The following PDE1A variants were observed in gnomAD, a reference collection of about 807,000 sequenced individuals.
The protein encoded by PDE1A is dual specificity calcium/calmodulin-dependent 3',5'-cyclic nucleotide phosphodiesterase 1A.
A neutral mutation model predicts 61.7 loss-of-function variants in PDE1A; 35 were observed. The observed-to-expected ratio is 0.57, with a 90% CI of 0.43 to 0.75. The LOEUF is 0.75. Among genes scored for constraint, PDE1A ranks in the 30% least tolerant of loss-of-function variants. PDE1A has a pLI of 0.00. For missense variants in PDE1A, 597 were observed against 630.6 expected (o/e 0.95, Z 0.57); for synonymous variants, 232 against 213.2 (o/e 1.09, Z -0.77).
At chr2:182,146,944 A>C (rs556623828), downstream of PDE1A, 56 of 500,642 alleles carry the variant, frequency 1.1e-4, no homozygotes, top group Non-Finnish European at 1.9e-4. Flanking sequence ...AAACTCTAGG[A>C]GGGCATTTAA....
intron 7 of PDE1A, among the ~76,000 whole-genome samples, chr2:182,223,176 G>A (rs1179928120): frequency 6.6e-6 from 1 of 151,886 alleles, no homozygotes; most frequent in Non-Finnish European, 1.5e-5. Flanking sequence ...ACCATGTGAA[G>A]ACACAGCAAA....
At chr2:182,417,063 C>T (rs913332660) in intron 1 of PDE1A, among the ~76,000 whole-genome samples, 1 of 152,148 alleles carries the variant, frequency 6.6e-6, no homozygotes, top group Admixed American at 6.5e-5. Flanking sequence ...ACTGTATGGC[C>T]CTGGACTCTC....
At chr2:182,561,196 T>C in the PDE1A span, among the ~76,000 whole-genome samples, 1 of 151,822 alleles carries the variant, frequency 6.6e-6, no homozygotes, top group Admixed American at 6.6e-5. Flanking sequence ...TTAGGTCTAA[T>C]GTTTAAGTCT....
the PDE1A span, among the ~76,000 whole-genome samples, chr2:182,592,070 T>A: frequency 6.6e-6 from 1 of 152,148 alleles, no homozygotes; most frequent in East Asian, 1.9e-4. Context: ...TAACTAACCA[T>A]CCTCTGACTT....
At chr2:182,324,027 A>C (rs113397733) in intron 1 of PDE1A, among the ~76,000 whole-genome samples, 1,694 of 152,294 alleles carry the variant, frequency 0.011, 25 homozygotes, top group South Asian at 0.069. Context: ...TAAGAACCAT[A>C]GGAGAGTGAA....
At chr2:182,457,763 T>C (rs1379477921) in intron 2 of PDE1A, among the ~76,000 whole-genome samples, 13 of 152,066 alleles carry the variant, frequency 8.5e-5, no homozygotes, top group Admixed American at 8.5e-4. Context: ...TATATTGTTT[T>C]GATATTGTGT....
chr2:182,218,912 A>C (rs1688478983), intron 7 of PDE1A, among the ~76,000 whole-genome samples: 1 of 152,018 alleles, frequency 6.6e-6, no homozygotes, highest in Admixed American at 6.6e-5. Context: ...ACACCTGCAA[A>C]ATACTCTAGA....
In PDE1A at chr2:182,179,686, G is replaced by A. The variant is rs112056181; in HGVS notation, c.1516+6206C>T. 1.7e-3 allele frequency among the ~76,000 whole-genome samples: 262 copies of A among 151,346 alleles called. 2 individuals are homozygous for A. The highest frequency in any genetic ancestry group is 0.01 in the Middle Eastern group (3 of 294). On this transcript the variant is annotated intron_variant, in intron 13 of 13. Transcript: ENST00000351439. ...TCCTTTCTCTACCCCCTCCTCTCTC[G>A]TCCTCCCTCTTGCGCTCTGTCTCTC...
At chr2:182,535,910 T>G in the PDE1A span, among the ~76,000 whole-genome samples, 2 of 152,192 alleles carry the variant, frequency 1.3e-5, no homozygotes, top group Non-Finnish European at 1.5e-5. Flanking sequence ...TCATTGAAGA[T>G]CCAAGGAATA....
chr2:182,618,239 A>G, the PDE1A span, among the ~76,000 whole-genome samples: 1 of 152,212 alleles, frequency 6.6e-6, no homozygotes, highest in Non-Finnish European at 1.5e-5. Context: ...TTTCCCCTCA[A>G]TTTGGGAGAA....
chr2:182,422,682 T>C (rs1187848832), intron 1 of PDE1A, among the ~76,000 whole-genome samples: 1 of 152,184 alleles, frequency 6.6e-6, no homozygotes, highest in Non-Finnish European at 1.5e-5. Context: ...TCATTTAATA[T>C]TAAAACACAA....
chr2:182,405,855 A>C (rs1192981064), intron 1 of PDE1A, among the ~76,000 whole-genome samples: 3 of 152,162 alleles, frequency 2.0e-5, no homozygotes, highest in Non-Finnish European at 4.4e-5. Context: ...TACATATATC[A>C]TAACATCACA....
chr2:182,258,834 C>A (rs544944052), intron 2 of PDE1A, among the ~76,000 whole-genome samples: 1 of 152,184 alleles, frequency 6.6e-6, no homozygotes, highest in Non-Finnish European at 1.5e-5. Context: ...ACTGTTGATA[C>A]TTGGTGTTTC....
At chr2:182,529,683 G>T in the PDE1A span, among the ~76,000 whole-genome samples, 9 of 152,276 alleles carry the variant, frequency 5.9e-5, no homozygotes, top group African/African-American at 2.2e-4. Flanking sequence ...CATGTTGTGG[G>T]GAGGACCACT....
chr2:182,397,738 T>TAAA (rs1359928998), intron 1 of PDE1A, among the ~76,000 whole-genome samples: 2 of 152,110 alleles, frequency 1.3e-5, no homozygotes, highest in African/African-American at 4.8e-5. Flanking sequence ...TTTTACTGTA[T>TAAA]AAACTCTTTA....
intron 2 of PDE1A, among the ~76,000 whole-genome samples, chr2:182,432,992 C>T (rs1349107971): frequency 2.0e-5 from 3 of 152,092 alleles, no homozygotes; most frequent in African/African-American, 4.8e-5. Context: ...TCAATATCCT[C>T]TAAGTCTCAT....
At chr2:182,414,690 C>T (rs1702813662) in intron 1 of PDE1A, among the ~76,000 whole-genome samples, 1 of 152,092 alleles carries the variant, frequency 6.6e-6, no homozygotes. Flanking sequence ...AAAAAAGATT[C>T]AAGCGAAGGT....
chr2:182,288,631 G>A (rs536453935), intron 1 of PDE1A, among the ~76,000 whole-genome samples: 16 of 152,062 alleles, frequency 1.1e-4, no homozygotes, highest in African/African-American at 2.2e-4. Flanking sequence ...CACAGAAAAC[G>A]CCAAGTACAA....
At chr2:182,605,121 C>T in the PDE1A span, among the ~76,000 whole-genome samples, 3 of 151,822 alleles carry the variant, frequency 2.0e-5, 1 homozygote, top group Non-Finnish European at 4.4e-5. Context: ...GAGCATTTGA[C>T]CTTAACAATT....
Sources: allele counts gnomAD v4.1 joint callset (sites outside exome capture counted in the v4.1 genomes callset), GRCh38; gene constraint gnomAD v4.1.1; transcripts MANE v1.5; gene names NCBI Gene and HGNC (gene_info 2026-07-23, HGNC 2026-07-21).